ATP2B2: variants seen among roughly 807,000 people sequenced by gnomAD.
ATP2B2 encodes plasma membrane calcium-transporting ATPase 2.
ATP2B2 carries 15 observed loss-of-function variants against 120.0 expected under a neutral mutation model. The observed-to-expected ratio is 0.12, with a 90% CI of 0.08 to 0.19. ATP2B2 has a LOEUF of 0.19. Ranked by LOEUF, ATP2B2 falls within the 10% of genes least tolerant of loss-of-function variation. ATP2B2 has a pLI of 1.00. For synonymous variants in ATP2B2, 694 were observed against 700.3 expected (o/e 0.99, Z 0.14); for missense variants, 1,045 against 1,719.8 (o/e 0.61, Z 6.94).
At chr3:10,494,959 G>C (rs926485820) in intron 1 of ATP2B2, among the ~76,000 whole-genome samples, 3 of 152,240 alleles carry the variant, frequency 2.0e-5, no homozygotes, top group African/African-American at 7.2e-5. Context: ...TTGAACCACA[G>C]TTTCCTCAAT....
chr3:10,547,725 A>G (rs1009988970), intron 2 of ATP2B2, among the ~76,000 whole-genome samples: 2 of 152,204 alleles, frequency 1.3e-5, no homozygotes, highest in African/African-American at 4.8e-5. Context: ...ATTAGTCCTC[A>G]GGGAGGCTGC....
chr3:10,675,766 AG>A (rs2071225371), intron 1 of ATP2B2, among the ~76,000 whole-genome samples: 1 of 152,170 alleles, frequency 6.6e-6, no homozygotes, highest in Non-Finnish European at 1.5e-5. Context: ...CTCCCTGGGC[AG>A]GGGACACTCC....
intron 1 of ATP2B2, among the ~76,000 whole-genome samples, chr3:10,674,449 A>T (rs1473850661): frequency 6.6e-6 from 1 of 152,222 alleles, no homozygotes. Context: ...ACTTGTAAAG[A>T]CCTAGGTGAC....
intron 1 of ATP2B2, among the ~76,000 whole-genome samples, chr3:10,699,657 AT>A (rs1475448441): frequency 1.3e-5 from 2 of 152,190 alleles, no homozygotes; most frequent in Non-Finnish European, 2.9e-5. Flanking sequence ...AAGTTCATGC[AT>A]TAGAAACTTA....
intron 1 of ATP2B2, among the ~76,000 whole-genome samples, chr3:10,488,487 CTTCCTTCCTTCCTTCCTTCG>C (rs1235447880): frequency 9.7e-6 from 1 of 102,844 alleles, no homozygotes; most frequent in Non-Finnish European, 2.0e-5. Flanking sequence ...TCCTTCCTTC[CTTCCTTCCTTCCTTCCTTCG>C]TTCCTTCCTT....
At chr3:10,685,890 C>T (rs531887924) in intron 1 of ATP2B2, among the ~76,000 whole-genome samples, 41 of 152,268 alleles carry the variant, frequency 2.7e-4, no homozygotes, top group South Asian at 1.0e-3. Context: ...TTTCTTTTTA[C>T]GTGACATCTG....
In ATP2B2 at chr3:10,422,748, C is replaced by T. The variant is rs189728124; in HGVS notation, c.200-11933G>A. Reference sequence around the variant, plus strand: ...TTTGCAAGCATGTGGACGCAATGTCCATTCGCTTATGTGCACCCATGTGGA... The same window carrying T: ...TTTGCAAGCATGTGGACGCAATGTCTATTCGCTTATGTGCACCCATGTGGA... On this transcript the variant is annotated intron_variant, in intron 2 of 22. Coordinates refer to ENST00000360273, the MANE Select transcript of ATP2B2 (RefSeq NM_001001331.4). 3.3e-5 allele frequency among the ~76,000 whole-genome samples: 5 copies of T among 152,362 alleles called. No homozygotes were observed. In the East Asian group the frequency reaches 7.7e-4, roughly 24 times the overall value.
chr3:10,696,428 C>T (rs971382025), intron 1 of ATP2B2, among the ~76,000 whole-genome samples: 15 of 152,300 alleles, frequency 9.8e-5, no homozygotes, highest in African/African-American at 3.6e-4. Context: ...TCTCCCACAG[C>T]GAGGGCAGGT....
chr3:10,562,587 T>C (rs762592187), intron 2 of ATP2B2, among the ~76,000 whole-genome samples: 1 of 152,114 alleles, frequency 6.6e-6, no homozygotes, highest in Non-Finnish European at 1.5e-5. Context: ...TTTCAATCTC[T>C]AGTCCTCCAT....
At chr3:10,365,966 A>G (rs1025056459) in intron 12 of ATP2B2, among the ~76,000 whole-genome samples, 6 of 131,416 alleles carry the variant, frequency 4.6e-5, no homozygotes, top group Non-Finnish European at 6.7e-5. Flanking sequence ...CTTCTTCCAG[A>G]GACGGTGTTC....
chr3:10,450,923 G>C (rs1019647797), intron 1 of ATP2B2, among the ~76,000 whole-genome samples: 1 of 152,290 alleles, frequency 6.6e-6, no homozygotes, highest in East Asian at 1.9e-4. Flanking sequence ...ACAGGGAGTG[G>C]CCCTGCCCCG....
chr3:10,619,001 A>C (rs995325417), intron 2 of ATP2B2, among the ~76,000 whole-genome samples: 31 of 152,242 alleles, frequency 2.0e-4, no homozygotes, highest in African/African-American at 7.5e-4. Context: ...CTCTCTTGTC[A>C]AACCTTGGAG....
At chr3:10,610,285 C>T (rs1416728375) in intron 2 of ATP2B2, among the ~76,000 whole-genome samples, 6 of 151,790 alleles carry the variant, frequency 4.0e-5, no homozygotes, top group African/African-American at 1.5e-4. Flanking sequence ...GCCTTTCTTC[C>T]AACCCTAAAT....
At chr3:10,409,396 T>A (rs1355689107) in intron 3 of ATP2B2, among the ~76,000 whole-genome samples, 1 of 152,202 alleles carries the variant, frequency 6.6e-6, no homozygotes, top group African/African-American at 2.4e-5. Context: ...TATTATTATT[T>A]TTTAAATTCA....
intron 2 of ATP2B2, among the ~76,000 whole-genome samples, chr3:10,434,694 A>G (rs1361454422): frequency 6.6e-6 from 1 of 152,250 alleles, no homozygotes; most frequent in Non-Finnish European, 1.5e-5. Context: ...CCCCATGGCC[A>G]GGCCCTGTCA....
chr3:10,403,774 G>A (rs2062313567), intron 3 of ATP2B2, among the ~76,000 whole-genome samples: 1 of 152,214 alleles, frequency 6.6e-6, no homozygotes, highest in Non-Finnish European at 1.5e-5. Flanking sequence ...CTGAGAGAAG[G>A]GTACCTGTTC....
intron 1 of ATP2B2, among the ~76,000 whole-genome samples, chr3:10,695,496 G>T (rs1170307723): frequency 6.6e-6 from 1 of 152,128 alleles, no homozygotes; most frequent in East Asian, 1.9e-4. Context: ...GGTCTCAAGA[G>T]TCCTTGCATG....
At chr3:10,491,890 T>C (rs73811909) in intron 1 of ATP2B2, among the ~76,000 whole-genome samples, 1,752 of 152,304 alleles carry the variant, frequency 0.012, 20 homozygotes, top group East Asian at 0.069. Context: ...AATAAAACTA[T>C]GACGTGCTGT....
At chr3:10,407,482 T>C (rs1186679677) in intron 3 of ATP2B2, among the ~76,000 whole-genome samples, 2 of 152,178 alleles carry the variant, frequency 1.3e-5, no homozygotes, top group Non-Finnish European at 2.9e-5. Flanking sequence ...GCTCCTTCTG[T>C]AGAACTTCCT....
Sources: gnomAD v4.1 joint callset for allele counts (sites outside exome capture counted in the v4.1 genomes callset) on GRCh38, gnomAD v4.1.1 for gene constraint, MANE v1.5 for transcripts, NCBI Gene and HGNC (gene_info 2026-07-23, HGNC 2026-07-21) for gene names.